DNMT3A: variants seen among roughly 807,000 people sequenced by gnomAD.
The protein encoded by DNMT3A is DNA methyltransferase 3 alpha.
DNMT3A carries 267 observed loss-of-function variants against 117.6 expected under a neutral mutation model. The ratio of observed to expected loss-of-function variants is 2.27; its 90% CI spans 2.05 to 2.51. DNMT3A has a LOEUF of 2.51. DNMT3A is among the 30% of genes most tolerant of loss of function. The pLI, the probability that DNMT3A is intolerant of heterozygous loss-of-function variation, is 0.00. For synonymous variants in DNMT3A, 432 were observed against 474.8 expected (o/e 0.91, Z 1.17); for missense variants, 1,029 against 1,260.2 (o/e 0.82, Z 2.78).
At chr2:25,245,380 T>C (rs764871642) in intron 12 of DNMT3A, 48 bp from the exon 13 acceptor site, 2 of 1,556,044 alleles carry the variant, frequency 1.3e-6, no homozygotes, top group Middle Eastern at 1.8e-4. Flanking sequence ...GAAGGGCCTC[T>C]CCCTCCCCGG....
At chr2:25,240,476 C>A (rs1673877012) in intron 18 of DNMT3A, 26 bp from the exon 19 acceptor site, 2 of 1,591,624 alleles carry the variant, frequency 1.3e-6, no homozygotes. Flanking sequence ...AGAAAGCCAT[C>A]AGCTGGGGCT....
rs2033727954 is a variant in DNMT3A, at chr2:25,305,306, G to A, written c.73-5063C>T. On this transcript the variant is annotated intron_variant, in intron 2 of 22. Transcript: ENST00000321117. This position sits in a 1 kb window ranked among gnomAD's most constrained non-coding sequence, Gnocchi z 4.1. ...AAAGCACCTTCACATTTGGTGGCCTGTGAGATTAGGTGGTTCCTCTCTCTA... is the reference window on the plus strand; with the variant it reads ...AAAGCACCTTCACATTTGGTGGCCTATGAGATTAGGTGGTTCCTCTCTCTA... 6.6e-6 allele frequency among the ~76,000 whole-genome samples: 1 copy of A among 152,214 alleles called. No homozygotes were observed. Among genetic ancestry groups the A allele is most frequent in the Non-Finnish European group, 1.5e-5 (1 of 68,040 alleles).
intron 6 of DNMT3A, among the ~76,000 whole-genome samples, chr2:25,266,421 A>G (rs548373728): frequency 6.6e-6 from 1 of 152,064 alleles, no homozygotes; most frequent in South Asian, 2.1e-4. Flanking sequence ...TTGCACTTCC[A>G]TTTCTCCTGA....
In DNMT3A at chr2:25,313,057, G is replaced by A. The variant is rs747033527; in HGVS notation, c.72+856C>T. Among the ~76,000 whole-genome samples the A allele has an allele frequency of 6.6e-5, 10 of 152,342 alleles. No homozygotes were observed. In the East Asian group the frequency reaches 1.9e-3, roughly 29 times the overall value. ...TGGCCATCATAAGATCCCCTGGAGG[G>A]TGGCAGTGAGTTCACCATTCCACTG... is the stretch of plus-strand genomic sequence containing the variant. On this transcript the variant is annotated intron_variant, in intron 2 of 22. Transcript: ENST00000321117.
chr2:25,314,132 G>A lies in DNMT3A; in HGVS notation c.-148C>T. 7.0e-7 allele frequency: 1 copy of A among 1,426,944 alleles called. No individual in the cohort carries two copies. Among genetic ancestry groups the A allele is most frequent in the Non-Finnish European group, 9.1e-7 (1 of 1,093,604 alleles). 88.4% of individuals were successfully genotyped at this position (1,426,944 alleles called of 1,614,324 possible). ...CCTCTGGTGAACGGTGCCTCTGTCA[G>A]CCTGTGGGTGGGGGCTTCGATGGCT... On this transcript the variant is annotated 5_prime_UTR_variant, in exon 2 of 23. Transcript: ENST00000321117.
chr2:25,314,166 G>A lies in DNMT3A; in HGVS notation c.-177-5C>T, dbSNP rs531767636. Reference sequence around the variant, plus strand: ...TGGGGGCTTCGATGGCTCCACCTGTGGGGGAGAGAAGAGGATCAGTGGGGC... The same window carrying A: ...TGGGGGCTTCGATGGCTCCACCTGTAGGGGAGAGAAGAGGATCAGTGGGGC... On this transcript the variant is annotated splice_polypyrimidine_tract_variant and splice_region_variant and intron_variant, in intron 1 of 22. Coordinates refer to ENST00000321117, the MANE Select transcript of DNMT3A (RefSeq NM_022552.5). 15 of 1,423,338 alleles carry A rather than the reference G, an allele frequency of 1.1e-5. No homozygotes were observed. Among genetic ancestry groups the A allele is most frequent in the South Asian group, 6.0e-5 (4 of 66,472 alleles). 88.2% of individuals were successfully genotyped at this position (1,423,338 alleles called of 1,614,324 possible).
chr2:25,289,023 A>G (rs2032542863), intron 3 of DNMT3A, among the ~76,000 whole-genome samples: 1 of 151,022 alleles, frequency 6.6e-6, no homozygotes, highest in Admixed American at 6.6e-5. Flanking sequence ...TTCTCACCCA[A>G]TCTCCTTACA....
chr2:25,240,204 C>T (rs1021549548), intron 19 of DNMT3A, 98 bp downstream of exon 19: 1 of 1,549,092 alleles, frequency 6.5e-7, no homozygotes, highest in Non-Finnish European at 8.8e-7. Context: ...GCAGAAGTCA[C>T]CAGTCCCCAG....
In DNMT3A at chr2:25,332,567, G is replaced by A. The variant is rs555600303; in HGVS notation, c.-178+9259C>T. 2.3e-3 allele frequency among the ~76,000 whole-genome samples: 344 copies of A among 152,362 alleles called. 2 individuals are homozygous for A. The highest frequency in any genetic ancestry group is 3.2e-3 in the Non-Finnish European group (215 of 68,040). On this transcript the variant is annotated intron_variant, in intron 1 of 22. Coordinates refer to ENST00000321117, the MANE Select transcript of DNMT3A (RefSeq NM_022552.5). ...GGATGAACATCATTTGTGGATCTGA[G>A]GCAGGGACCTCTGGAAAGAAAACTC...
At chr2:25,303,502 C>T (rs780255150) in intron 2 of DNMT3A, among the ~76,000 whole-genome samples, 1 of 152,252 alleles carries the variant, frequency 6.6e-6, no homozygotes, top group Non-Finnish European at 1.5e-5. Context: ...TGCCAGGCCA[C>T]CTCTCCAGGT....
chr2:25,243,337 A>G (rs550719740), intron 16 of DNMT3A, among the ~76,000 whole-genome samples: 9 of 152,252 alleles, frequency 5.9e-5, no homozygotes, highest in Admixed American at 1.3e-4. Flanking sequence ...ATCGCTTGAC[A>G]TGAAAAAGCA....
chr2:25,253,682 A>G (rs891417130), intron 6 of DNMT3A, among the ~76,000 whole-genome samples: 3 of 152,252 alleles, frequency 2.0e-5, no homozygotes, highest in African/African-American at 7.2e-5. Flanking sequence ...AAATCAGCCT[A>G]GTTGCCGTTG....
At position 25,324,134 on chromosome 2, in the gene DNMT3A, G is replaced by A. The variant is rs2034701643; in HGVS notation, c.-177-9973C>T. Among the ~76,000 whole-genome samples, 6 of 152,338 alleles carry A rather than the reference G, an allele frequency of 3.9e-5. No individual in the cohort carries two copies. The South Asian group carries it at 1.0e-3, about 26-fold the overall frequency. ...GCGGGGAAGGAGGGCACTGGAGCAT[G>A]CTAATCACAGTATTCAATGCCCTGC... On this transcript the variant is annotated intron_variant, in intron 1 of 22. Transcript: ENST00000321117.
chr2:25,267,218 C>G (rs1215474659), intron 6 of DNMT3A, among the ~76,000 whole-genome samples: 1 of 152,124 alleles, frequency 6.6e-6, no homozygotes, highest in Non-Finnish European at 1.5e-5. Context: ...CGCATACACA[C>G]GGATAGGAAA....
chr2:25,275,953 G>A (rs1035809785), intron 4 of DNMT3A, among the ~76,000 whole-genome samples: 6 of 152,176 alleles, frequency 3.9e-5, no homozygotes, highest in Non-Finnish European at 8.8e-5. Context: ...AGGAGGGGGT[G>A]CAGGAAGGCC....
intron 9 of DNMT3A, 131 bp from the exon 10 acceptor site, chr2:25,246,907 GA>G: frequency 6.7e-7 from 1 of 1,498,836 alleles, no homozygotes; most frequent in Non-Finnish European, 9.1e-7. Flanking sequence ...GGAGGAGCGG[GA>G]TGTGCATACG....
At position 25,311,522 on chromosome 2, in the gene DNMT3A, C is replaced by T. The variant is rs1433273834; in HGVS notation, c.72+2391G>A. The stretch of plus-strand genomic sequence containing the variant: ...TGGCTATGGCCCAGCCCTTATCTAT[C>T]CAGATCACTGCCATCTTTTGGCATG... On this transcript the variant is annotated intron_variant, in intron 2 of 22. Transcript: ENST00000321117. The surrounding 1 kb of genome is among the most constrained non-coding windows in gnomAD (Gnocchi z 5.2). 6.6e-6 allele frequency among the ~76,000 whole-genome samples: 1 copy of T among 152,198 alleles called. No individual in the cohort carries two copies. Among genetic ancestry groups the T allele is most frequent in the East Asian group, 1.9e-4 (1 of 5,190 alleles).
At position 25,248,226 on chromosome 2, in the gene DNMT3A, T is replaced by A. The variant is rs1675094104; in HGVS notation, c.666A>T (p.Ala222=). 1 of 1,612,526 alleles carries A rather than the reference T, an allele frequency of 6.2e-7. No homozygotes were observed. The highest frequency in any genetic ancestry group is 2.2e-5 in the East Asian group (1 of 44,866). ...GGTTTTCTTCCACAGCATTCATTCC[T>A]GCAATGACCTTGGCTTTCTTCTCAG... The part of the protein sequence containing the change: ...REAEKKAKVI[A]GMNAVEENQG... Residue 222 remains alanine, a synonymous_variant, in exon 7 of 23, where the codon GCA becomes GCT. Transcript: ENST00000321117.
intron 6 of DNMT3A, among the ~76,000 whole-genome samples, chr2:25,248,551 A>AT (rs1255348570): frequency 1.4e-5 from 2 of 143,366 alleles, no homozygotes; most frequent in African/African-American, 2.4e-5. Flanking sequence ...AATGTTATTT[A>AT]TTTATTTTTT....
Sources: gnomAD v4.1 joint callset for allele counts (sites outside exome capture counted in the v4.1 genomes callset) on GRCh38, gnomAD v4.1.1 for gene constraint, Gnocchi (gnomAD v3.1) non-coding constraint, MANE v1.5 for transcripts, NCBI Gene and HGNC (gene_info 2026-07-23, HGNC 2026-07-21) for gene names.